GCSAML: variants seen among roughly 807,000 people sequenced by gnomAD.
The protein encoded by GCSAML is germinal center-associated signaling and motility-like protein.
A neutral mutation model predicts 13.0 loss-of-function variants in GCSAML; 9 were observed. That is an observed-to-expected ratio of 0.69 (90% confidence interval 0.42 to 1.21). The LOEUF (loss-of-function observed/expected upper bound fraction) is 1.21, where lower values mean the gene tolerates loss of function less well. GCSAML is among the 50% of genes most tolerant of loss of function. The pLI, the probability that GCSAML is intolerant of heterozygous loss-of-function variation, is 0.00. For missense variants in GCSAML, 143 were observed against 153.4 expected, an observed-to-expected ratio of 0.93 and a Z score of 0.36; for synonymous variants, 37 against 52.9, an observed-to-expected ratio of 0.70 and a Z score of 1.31.
rs1490759535 is a variant in GCSAML at position 247,575,658 on chromosome 1, C to A, written c.*1276C>A. On this transcript the variant is annotated 3_prime_UTR_variant, in exon 5 of 5. Transcript: ENST00000366488. ...GATGAAATGAAGCATATATAATTGT[C>A]AATTTTTTCAATTTTCTAGCCAACA... 6.6e-6 allele frequency: 1 copy of A among 152,094 alleles called. No individual in the cohort carries two copies. The highest frequency in any genetic ancestry group is 2.4e-5 in the African/African-American group (1 of 41,406). 9.4% of individuals were successfully genotyped at this position (152,094 alleles called of 1,614,324 possible). A position where few individuals can be genotyped will look rare whatever the true frequency, so the allele number is the denominator to read the frequency against.
chr1:247,521,384 C>CCTCTCT (rs1553301824), intron 1 of GCSAML, among the ~76,000 whole-genome samples: 1 of 151,208 alleles, frequency 6.6e-6, no homozygotes, highest in Admixed American at 6.6e-5. Context: ...TCTCCCTCTC[C>CCTCTCT]ACGGTCTCCC....
At chr1:247,509,843 G>C (rs1322635744) in intron 1 of GCSAML, among the ~76,000 whole-genome samples, 3 of 152,304 alleles carry the variant, frequency 2.0e-5, no homozygotes, top group Non-Finnish European at 4.4e-5. Flanking sequence ...TGCATCTCAG[G>C]GATGAAGCTG....
chr1:247,523,352 TATATTG>T (rs2103317907), intron 1 of GCSAML, among the ~76,000 whole-genome samples: 1 of 152,358 alleles, frequency 6.6e-6, no homozygotes, highest in South Asian at 2.1e-4. Flanking sequence ...TGCTAGTCAT[TATATTG>T]AGTACCAATT....
At chr1:247,531,590 C>A in intron 2 of GCSAML, 14 of 1,614,184 alleles carry the variant, frequency 8.7e-6, no homozygotes, top group Admixed American at 1.7e-5. Context: ...CAGCAGTTCT[C>A]TAATACCATG....
intron 4 of GCSAML, among the ~76,000 whole-genome samples, chr1:247,567,006 C>G (rs370605642): frequency 2.0e-5 from 3 of 151,660 alleles, no homozygotes; most frequent in Admixed American, 6.6e-5. Flanking sequence ...TCCTTCTTTT[C>G]TCTTTTATTA....
intron 1 of GCSAML, chr1:247,524,634 C>T (rs566475358): frequency 4.3e-4 from 65 of 152,260 alleles, no homozygotes; most frequent in African/African-American, 1.5e-3. Context: ...AATAATAATT[C>T]ATTTCTTTGA....
intron 2 of GCSAML, among the ~76,000 whole-genome samples, chr1:247,540,562 T>C (rs1172091758): frequency 6.6e-6 from 1 of 152,250 alleles, no homozygotes; most frequent in Non-Finnish European, 1.5e-5. Context: ...GGCAGTGGTG[T>C]CTACTTTGTT....
intron 4 of GCSAML, among the ~76,000 whole-genome samples, chr1:247,567,252 T>C (rs1668418467): frequency 6.6e-6 from 1 of 152,110 alleles, no homozygotes; most frequent in Admixed American, 6.6e-5. Context: ...GGTGCTTTGC[T>C]GAACCTATCA....
intron 2 of GCSAML, among the ~76,000 whole-genome samples, chr1:247,556,789 G>A (rs1667968748): frequency 6.6e-6 from 1 of 152,268 alleles, no homozygotes; most frequent in East Asian, 1.9e-4. Flanking sequence ...CAAGTAGCCA[G>A]AATAATCTTT....
At chr1:247,528,100 A>G (rs887275881) in intron 2 of GCSAML, 10 of 151,950 alleles carry the variant, frequency 6.6e-5, no homozygotes, top group African/African-American at 2.4e-4. Flanking sequence ...AATGTCAGTA[A>G]CTTGATTTCC....
At chr1:247,547,499 T>G (rs1187437764), upstream of GCSAML, among the ~76,000 whole-genome samples, 1 of 152,230 alleles carries the variant, frequency 6.6e-6, no homozygotes, top group Non-Finnish European at 1.5e-5. Context: ...GCTACTTACT[T>G]GAGCATTTGA....
chr1:247,537,768 T>A (rs938779380), intron 2 of GCSAML, among the ~76,000 whole-genome samples: 3 of 152,242 alleles, frequency 2.0e-5, no homozygotes, highest in African/African-American at 7.2e-5. Context: ...GTGCATTTTT[T>A]AATGTGCTTG....
rs553462161 is a variant in GCSAML, at chr1:247,520,876, C to T, written c.-262-6064C>T. ...CTATACTACTTTATCTTCTGATTTC[C>T]GAAAGGGAAAAGAAGTTTGTTGCAA... On this transcript the variant is annotated intron_variant, in intron 1 of 5. Transcript: ENST00000366489. Among the ~76,000 whole-genome samples the T allele has an allele frequency of 5.3e-5, 8 of 152,254 alleles. No homozygotes were observed. In the South Asian group the frequency reaches 1.4e-3, roughly 28 times the overall value.
At chr1:247,551,006 A>G (rs1482453973) in intron 1 of GCSAML, among the ~76,000 whole-genome samples, 1 of 152,194 alleles carries the variant, frequency 6.6e-6, no homozygotes, top group African/African-American at 2.4e-5. Flanking sequence ...ATTGAGAGAG[A>G]ATTAAAACTT....
chr1:247,550,780 TA>T (rs1667753297), intron 1 of GCSAML, among the ~76,000 whole-genome samples: 1 of 152,122 alleles, frequency 6.6e-6, no homozygotes, highest in Non-Finnish European at 1.5e-5. Context: ...TTATTTACCC[TA>T]AAGAAAAAAT....
chr1:247,548,996 CT>C (rs1389584874), upstream of GCSAML: 2 of 1,484,318 alleles, frequency 1.3e-6, no homozygotes, highest in Non-Finnish European at 1.8e-6. This position sits in a 1 kb window ranked among gnomAD's most constrained non-coding sequence, Gnocchi z 5.3. Context: ...TCACATTTTC[CT>C]TTCTGCCTCC....
intron 4 of GCSAML, among the ~76,000 whole-genome samples, chr1:247,572,223 C>T (rs937575096): frequency 6.6e-6 from 1 of 152,080 alleles, no homozygotes; most frequent in African/African-American, 2.4e-5. Context: ...ACTCATTTTC[C>T]GTCCAGTTTT....
intron 4 of GCSAML, among the ~76,000 whole-genome samples, chr1:247,570,321 C>T (rs991655852): frequency 6.6e-6 from 1 of 152,076 alleles, no homozygotes; most frequent in Non-Finnish European, 1.5e-5. Context: ...TTAGATCTTT[C>T]CCGCTTTCTT....
At chr1:247,543,679 T>TATG (rs1460696226) in intron 2 of GCSAML, among the ~76,000 whole-genome samples, 4 of 152,230 alleles carry the variant, frequency 2.6e-5, no homozygotes, top group African/African-American at 9.7e-5. Context: ...CTAAATTATA[T>TATG]ATGAATTTAT....
Sources: allele counts gnomAD v4.1 joint callset (sites outside exome capture counted in the v4.1 genomes callset), GRCh38; gene constraint gnomAD v4.1.1; non-coding constraint Gnocchi (gnomAD v3.1); transcripts MANE v1.5; gene names NCBI Gene and HGNC (gene_info 2026-07-23, HGNC 2026-07-21).